PTPRD: variants seen among roughly 807,000 people sequenced by gnomAD.
The protein encoded by PTPRD is protein tyrosine phosphatase receptor type D.
A neutral mutation model predicts 214.5 loss-of-function variants in PTPRD; 34 were observed. The ratio of observed to expected loss-of-function variants is 0.16; its 90% CI spans 0.12 to 0.21. PTPRD has a LOEUF of 0.21. Among genes scored for constraint, PTPRD ranks in the 10% least tolerant of loss-of-function variants. The pLI is 1.00. For synonymous variants in PTPRD, 1,128 were observed against 845.7 expected (o/e 1.33, Z -5.79); for missense variants, 2,545 against 2,398.7 (o/e 1.06, Z -1.27).
At chr9:9,795,964 T>C (rs778907402) in intron 5 of PTPRD, among the ~76,000 whole-genome samples, 1 of 152,142 alleles carries the variant, frequency 6.6e-6, no homozygotes, top group African/African-American at 2.4e-5. Flanking sequence ...AATATATCAA[T>C]GACTATGCAC....
intron 37 of PTPRD, among the ~76,000 whole-genome samples, chr9:8,379,912 A>G (rs2084446612): frequency 6.6e-6 from 1 of 152,160 alleles, no homozygotes; most frequent in Non-Finnish European, 1.5e-5. Context: ...TTCCAGGACC[A>G]AAGTCTGGCC....
chr9:10,346,391 T>C (rs1324641722), intron 2 of PTPRD, among the ~76,000 whole-genome samples: 2 of 152,100 alleles, frequency 1.3e-5, no homozygotes, highest in Admixed American at 6.6e-5. Flanking sequence ...TTCAGAATGT[T>C]TAGGAATTGA....
chr9:8,944,270 T>C (rs899131283), intron 11 of PTPRD, among the ~76,000 whole-genome samples: 1 of 152,058 alleles, frequency 6.6e-6, no homozygotes, highest in Non-Finnish European at 1.5e-5. Flanking sequence ...GGCGAGGATG[T>C]GGAGAAAGGG....
At chr9:10,237,223 T>G (rs1298705439) in intron 3 of PTPRD, among the ~76,000 whole-genome samples, 2 of 151,780 alleles carry the variant, frequency 1.3e-5, no homozygotes, top group East Asian at 3.9e-4. Context: ...TCAATTTTGA[T>G]GTGAATTTAA....
chr9:9,255,960 G>A (rs1048153864), intron 9 of PTPRD, among the ~76,000 whole-genome samples: 2 of 152,138 alleles, frequency 1.3e-5, no homozygotes, highest in East Asian at 3.9e-4. Flanking sequence ...GGTTCTTTCA[G>A]TTTTTGGATT....
chr9:9,905,439 C>T (rs1371601266), intron 5 of PTPRD, among the ~76,000 whole-genome samples: 3 of 151,948 alleles, frequency 2.0e-5, no homozygotes, highest in African/African-American at 7.2e-5. Flanking sequence ...ATGTCATCCT[C>T]ATATACGACA....
At chr9:8,506,562 A>T (rs1305481560) in intron 22 of PTPRD, among the ~76,000 whole-genome samples, 3 of 152,194 alleles carry the variant, frequency 2.0e-5, no homozygotes, top group Admixed American at 6.5e-5. Context: ...GACTTTGAGC[A>T]AATTATTTAA....
rs1263619342 is a variant in PTPRD at position 8,471,824 on chromosome 9, G to A, written c.3414-739C>T. Among the ~76,000 whole-genome samples the A allele has an allele frequency of 3.3e-5, 5 of 152,182 alleles. No individual in the cohort carries two copies. The East Asian group carries it at 9.7e-4, about 29-fold the overall frequency. ...TATAAAGGCACCCATCCACAAATAGGTATGGGTTATTTGTAAAGCTGTTTT... is the reference window on the plus strand; with the variant it reads ...TATAAAGGCACCCATCCACAAATAGATATGGGTTATTTGTAAAGCTGTTTT... On this transcript the variant is annotated intron_variant, in intron 30 of 45. Transcript: ENST00000381196.
chr9:9,374,585 T>C (rs1240875639), intron 9 of PTPRD, among the ~76,000 whole-genome samples: 2 of 152,184 alleles, frequency 1.3e-5, no homozygotes, highest in Non-Finnish European at 2.9e-5. Context: ...ATGCTTCCAC[T>C]GAATTAAGTC....
At position 9,989,016 on chromosome 9, in the gene PTPRD, C is replaced by CAAAAAAAAAAAAA. The variant is rs397836899; in HGVS notation, c.-472+44689_-472+44701dup. 1.3e-3 allele frequency among the ~76,000 whole-genome samples: 46 copies of CAAAAAAAAAAAAA among 36,282 alleles called. 4 individuals are homozygous for CAAAAAAAAAAAAA. The highest frequency in any genetic ancestry group is 2.8e-3 in the African/African-American group (37 of 13,052). The allele number at this position is 36,282 out of a possible 152,430, so 23.8% of individuals were successfully genotyped here. On this transcript the variant is annotated intron_variant, in intron 4 of 45. Transcript: ENST00000381196. ...CAGAAGAGCCCTTAGTTTCACTGAC[C>CAAAAAAAAAAAAA]AAAAAAAAAAAAAAAAAAAAAAAAA...
At chr9:10,054,990 G>GA (rs369680773) in intron 3 of PTPRD, among the ~76,000 whole-genome samples, 1 of 151,516 alleles carries the variant, frequency 6.6e-6, no homozygotes, top group Admixed American at 6.6e-5. Context: ...TTAAAAGAAA[G>GA]AAAAAAAGAA....
At chr9:9,270,539 G>C (rs1942417058) in intron 9 of PTPRD, among the ~76,000 whole-genome samples, 1 of 151,362 alleles carries the variant, frequency 6.6e-6, no homozygotes, top group Non-Finnish European at 1.5e-5. Context: ...GGCTGAGTGT[G>C]AACTACAGAG....
In PTPRD at chr9:9,704,481, A is replaced by G. The variant is rs2097561464; in HGVS notation, c.-287+30052T>C. 3.3e-5 allele frequency among the ~76,000 whole-genome samples: 5 copies of G among 152,326 alleles called. No individual in the cohort carries two copies. The South Asian group carries it at 1.0e-3, about 32-fold the overall frequency. On this transcript the variant is annotated intron_variant, in intron 7 of 45. Transcript: ENST00000381196. ...TCCCCATGTATGGTGGTTGAAAGATAGCCACAAGTTCTTTGATAACTCCCC... is the reference window on the plus strand; with the variant it reads ...TCCCCATGTATGGTGGTTGAAAGATGGCCACAAGTTCTTTGATAACTCCCC...
chr9:9,198,300 C>T (rs1284803418), intron 9 of PTPRD, among the ~76,000 whole-genome samples: 1 of 151,648 alleles, frequency 6.6e-6, no homozygotes, highest in Admixed American at 6.6e-5. Context: ...AAAATCAAAC[C>T]AAACTTAGAA....
rs189086084 is a variant in PTPRD, at chr9:10,040,299, G to C, written c.-544-6509C>G. The stretch of plus-strand genomic sequence containing the variant: ...ACACTGACAGTTTTTATGCATGCTG[G>C]ATGTAGCTTTGAATAAATGGATAGC... On this transcript the variant is annotated intron_variant, in intron 3 of 45. Coordinates refer to ENST00000381196, the MANE Select transcript of PTPRD (RefSeq NM_002839.4). Among the ~76,000 whole-genome samples, 138 of 152,110 alleles carry C rather than the reference G, an allele frequency of 9.1e-4. 1 individual carries two copies. Among genetic ancestry groups the C allele is most frequent in the African/African-American group, 3.3e-3 (138 of 41,532 alleles).
Position 9,478,613 on chromosome 9 carries a change from C to T in PTPRD, c.-236-81131G>A, listed in dbSNP as rs2095235343. ...CATTTATTTCCTACTGTCCTGCATCCCCCTCTCTCTCTATCCCAAAGAGTT... is the reference window on the plus strand; with the variant it reads ...CATTTATTTCCTACTGTCCTGCATCTCCCTCTCTCTCTATCCCAAAGAGTT... On this transcript the variant is annotated intron_variant, in intron 8 of 45. Transcript: ENST00000381196. Among the ~76,000 whole-genome samples the T allele has an allele frequency of 2.0e-5, 3 of 152,108 alleles. No individual in the cohort carries two copies. In the South Asian group the frequency reaches 6.2e-4, roughly 32 times the overall value.
At chr9:9,276,447 T>C (rs1221614158) in intron 9 of PTPRD, among the ~76,000 whole-genome samples, 1 of 151,146 alleles carries the variant, frequency 6.6e-6, no homozygotes, top group Non-Finnish European at 1.5e-5. Flanking sequence ...GGCAAGGTGG[T>C]TTTCTCAGAG....
chr9:9,150,778 T>C (rs1363179460), intron 10 of PTPRD, among the ~76,000 whole-genome samples: 4 of 152,142 alleles, frequency 2.6e-5, no homozygotes, highest in East Asian at 1.9e-4. Context: ...GGCCTGAAAC[T>C]ATATTTTTAT....
chr9:9,994,017 A>C (rs959891863), intron 4 of PTPRD, among the ~76,000 whole-genome samples: 2 of 152,124 alleles, frequency 1.3e-5, no homozygotes, highest in Non-Finnish European at 2.9e-5. Context: ...TAATACAACA[A>C]TTTTTTGAGT....
Sources: gnomAD v4.1 joint callset for allele counts (sites outside exome capture counted in the v4.1 genomes callset) on GRCh38, gnomAD v4.1.1 for gene constraint, MANE v1.5 for transcripts, NCBI Gene and HGNC (gene_info 2026-07-23, HGNC 2026-07-21) for gene names.